KIAA0319: variants seen among roughly 807,000 people sequenced by gnomAD.
The protein encoded by KIAA0319 is KIAA0319.
A neutral mutation model predicts 108.4 loss-of-function variants in KIAA0319; 83 were observed. That is an observed-to-expected ratio of 0.77 (90% CI 0.64 to 0.92). The LOEUF is 0.92. Ranked by LOEUF, KIAA0319 falls within the 40% of genes least tolerant of loss-of-function variation. The pLI is 0.00. For missense variants in KIAA0319, 1,195 were observed against 1,322.4 expected, an observed-to-expected ratio of 0.90 and a Z score of 1.49; for synonymous variants, 484 against 510.4, an observed-to-expected ratio of 0.95 and a Z score of 0.70.
chr6:24,589,716 T>C (rs1004354751), intron 3 of KIAA0319, among the ~76,000 whole-genome samples: 1 of 152,222 alleles, frequency 6.6e-6, no homozygotes, highest in African/African-American at 2.4e-5. Context: ...TATGTCTTTA[T>C]AGCAATGTAA....
At chr6:24,570,689 G>A (rs924733253) in intron 11 of KIAA0319, among the ~76,000 whole-genome samples, 2 of 150,120 alleles carry the variant, frequency 1.3e-5, no homozygotes, top group South Asian at 2.1e-4. Flanking sequence ...AGGAAGGAAG[G>A]GAGGGAGGAA....
intron 1 of KIAA0319, among the ~76,000 whole-genome samples, chr6:24,645,429 G>A (rs764003394): frequency 2.0e-5 from 3 of 152,156 alleles, no homozygotes; most frequent in Non-Finnish European, 4.4e-5. Context: ...AATGCATTTA[G>A]CAAATAATAG....
At chr6:24,607,260 G>C (rs565488105) in intron 1 of KIAA0319, among the ~76,000 whole-genome samples, 14 of 152,304 alleles carry the variant, frequency 9.2e-5, no homozygotes, top group African/African-American at 3.1e-4. Context: ...AGAGGCTGAG[G>C]TGGGAGAATC....
chr6:24,547,239 C>A lies in KIAA0319; in HGVS notation c.3145G>T (p.Gly1049Trp), dbSNP rs201365492. The A allele has an allele frequency of 8.1e-6, 13 of 1,613,956 alleles. No individual in the cohort carries two copies. The highest frequency in any genetic ancestry group is 1.3e-5 in the African/African-American group (1 of 74,926). ...CCATTCATGGAAACCTTTGGATTCC[C>A]TCTCTCCATCTTTTCTCGGCTGAAG... ...TIFSREKMERGNPKVSMNGSI... is the reference protein window; with the variant it reads ...TIFSREKMERWNPKVSMNGSI... The change falls in exon 21 of 21, where the codon GGG becomes TGG. Residue 1049 changes from glycine (G) to tryptophan (W), a missense_variant. By Grantham distance (184) the Gly-to-Trp change is radical (BLOSUM62 -2). Coordinates refer to ENST00000378214, the MANE Select transcript of KIAA0319 (RefSeq NM_014809.4).
intron 3 of KIAA0319, among the ~76,000 whole-genome samples, chr6:24,592,458 G>A (rs948150233): frequency 4.6e-5 from 7 of 152,040 alleles, no homozygotes; most frequent in Admixed American, 1.3e-4. Flanking sequence ...AAGAGATGGG[G>A]TCTCACTCTG....
At chr6:24,549,736 A>G (rs1157694399) in intron 20 of KIAA0319, among the ~76,000 whole-genome samples, 1 of 152,218 alleles carries the variant, frequency 6.6e-6, no homozygotes, top group Non-Finnish European at 1.5e-5. Context: ...AGATGTACCT[A>G]GTACATATTC....
chr6:24,620,842 A>G (rs1157203583), intron 1 of KIAA0319, among the ~76,000 whole-genome samples: 1 of 152,226 alleles, frequency 6.6e-6, no homozygotes, highest in Non-Finnish European at 1.5e-5. Flanking sequence ...ACCTCCAAAT[A>G]TAGTCACAGG....
intron 1 of KIAA0319, among the ~76,000 whole-genome samples, chr6:24,609,980 C>G (rs1401956612): frequency 6.6e-6 from 1 of 152,056 alleles, no homozygotes; most frequent in Non-Finnish European, 1.5e-5. Flanking sequence ...AACTACAAAA[C>G]TATTAGAAGA....
intron 1 of KIAA0319, among the ~76,000 whole-genome samples, chr6:24,624,172 ACAC>A (rs1398467280): frequency 6.8e-6 from 1 of 147,978 alleles, no homozygotes; most frequent in African/African-American, 2.5e-5. Context: ...CAACAGGTGT[ACAC>A]CACCACACCT....
intron 16 of KIAA0319, 100 bp from the exon 17 acceptor site, chr6:24,559,255 C>G: frequency 7.5e-7 from 1 of 1,334,914 alleles, no homozygotes; most frequent in South Asian, 1.4e-5. Context: ...GGGAGGTAGA[C>G]GGCTACAGCT....
intron 1 of KIAA0319, among the ~76,000 whole-genome samples, chr6:24,616,476 G>A (rs140369109): frequency 0.027 from 4,185 of 152,268 alleles, 158 homozygotes; most frequent in African/African-American, 0.091. Context: ...TCCTGCCTCA[G>A]CCTCCCGAGT....
rs1769497519 is a variant in KIAA0319 at position 24,596,032 on chromosome 6, C to T, written c.642G>A (p.Glu214=). 1.9e-6 allele frequency: 3 copies of T among 1,614,032 alleles called. No individual in the cohort carries two copies. Among genetic ancestry groups the T allele is most frequent in the Non-Finnish European group, 2.5e-6 (3 of 1,179,996 alleles). Reference sequence around the variant, plus strand: ...AAGCCGACTCATTCAGGTAATGGAGCTCAGGGTCCTGCTGCGTCTCCGCTG... The same window carrying T: ...AAGCCGACTCATTCAGGTAATGGAGTTCAGGGTCCTGCTGCGTCTCCGCTG... ...AVPAETQQDP[E]LHYLNESAST... is the part of the protein sequence containing the mutation. Residue 214 remains glutamate (E), a synonymous_variant, in exon 3 of 21, where the codon GAG becomes GAA. Coordinates refer to ENST00000378214, the MANE Select transcript of KIAA0319 (RefSeq NM_014809.4).
chr6:24,601,787 GT>G (rs1770658805), intron 1 of KIAA0319, among the ~76,000 whole-genome samples: 1 of 152,182 alleles, frequency 6.6e-6, no homozygotes, highest in Admixed American at 6.5e-5. Flanking sequence ...AGAAGTTACT[GT>G]TTAGCTTCCA....
chr6:24,547,362 G>A lies in KIAA0319; in HGVS notation c.3041-19C>T, dbSNP rs769219851. ...TTGATACCTAGAGAGAAGCACAGAA[G>A]CATCTGAGGAGGAACGCCGTGATTC... On this transcript the variant is annotated intron_variant, in intron 20 of 20. Coordinates refer to ENST00000378214, the MANE Select transcript of KIAA0319 (RefSeq NM_014809.4). 1.9e-6 allele frequency: 3 copies of A among 1,607,910 alleles called. No individual in the cohort carries two copies. Among genetic ancestry groups the A allele is most frequent in the East Asian group, 2.2e-5 (1 of 44,758 alleles).
rs950979756 is a variant in KIAA0319, at chr6:24,565,709, C to T, written c.2292+888G>A. 1.1e-4 allele frequency among the ~76,000 whole-genome samples: 16 copies of T among 143,850 alleles called. No individual in the cohort carries two copies. In the East Asian group the frequency reaches 1.5e-3, roughly 13 times the overall value. The allele number at this position is 143,850 out of a possible 152,430, so 94.4% of individuals were successfully genotyped here. A position where few individuals can be genotyped will look rare whatever the true frequency, so the allele number is the denominator to read the frequency against. On this transcript the variant is annotated intron_variant, in intron 14 of 20. Coordinates refer to ENST00000378214, the MANE Select transcript of KIAA0319 (RefSeq NM_014809.4). ...CGGAGGTTGCAGTGAGCCGAGATTG[C>T]GCCACTGCACTACAGCCTGGGCGAT...
intron 1 of KIAA0319, among the ~76,000 whole-genome samples, chr6:24,641,407 G>A (rs935605545): frequency 6.6e-6 from 1 of 152,158 alleles, no homozygotes; most frequent in Non-Finnish European, 1.5e-5. Flanking sequence ...TACCACTTGC[G>A]AACCAAAAGA....
At chr6:24,629,501 T>G in intron 1 of KIAA0319, among the ~76,000 whole-genome samples, 1 of 50,916 alleles carries the variant, frequency 2.0e-5, no homozygotes. Flanking sequence ...GGCAACAGAG[T>G]GAGACTCTGT....
intron 1 of KIAA0319, among the ~76,000 whole-genome samples, chr6:24,643,416 C>T (rs376910888): frequency 2.8e-4 from 43 of 152,276 alleles, no homozygotes; most frequent in African/African-American, 1.0e-3. Flanking sequence ...CTTGTACACT[C>T]TAAATCTATA....
At chr6:24,551,249 C>G (rs1489597996) in intron 20 of KIAA0319, among the ~76,000 whole-genome samples, 185 bp downstream of exon 20, 1 of 151,952 alleles carries the variant, frequency 6.6e-6, no homozygotes, top group Non-Finnish European at 1.5e-5. Context: ...GCTAGGATTA[C>G]AGGCATGAGC....
Sources: allele counts gnomAD v4.1 joint callset (sites outside exome capture counted in the v4.1 genomes callset), GRCh38; gene constraint gnomAD v4.1.1; transcripts MANE v1.5; gene names NCBI Gene and HGNC (gene_info 2026-07-23, HGNC 2026-07-21).